The following C9orf50 variants were observed in gnomAD, a reference collection of about 807,000 sequenced individuals.
C9orf50 encodes the protein chromosome 9 open reading frame 50.
Under a neutral mutation model 42.5 loss-of-function variants are expected in C9orf50, and 33 were observed. The observed-to-expected ratio is 0.78, with a 90% confidence interval of 0.59 to 1.04. The LOEUF is 1.04. C9orf50 is among the 50% of genes least tolerant of loss of function. C9orf50 has a pLI of 0.00. For synonymous variants in C9orf50, 257 were observed against 273.4 expected, an observed-to-expected ratio of 0.94 and a Z score of 0.59; for missense variants, 547 against 594.3, an observed-to-expected ratio of 0.92 and a Z score of 0.83.
chr9:129,613,169 C>T lies in C9orf50; in HGVS notation c.1126G>A (p.Ala376Thr), dbSNP rs780251437. The T allele has an allele frequency of 3.8e-5, 62 of 1,613,578 alleles. No individual in the cohort carries two copies. Among genetic ancestry groups the T allele is most frequent in the South Asian group, 6.6e-5 (6 of 91,080 alleles). ...AGGCTGCTTCGCGGCCTCTGAGCAG[C>T]GGCCTTCTTCCATGAACAGAAGGGC... The change falls in exon 6 of 7, where the codon GCT becomes ACT. Residue 376 changes from alanine to threonine, a missense_variant. Transcript: ENST00000372478. The surrounding 1 kb of genome is among the most constrained non-coding windows in gnomAD (Gnocchi z 6.2).
chr9:129,615,490 G>T (rs117566704), exon 4 of C9orf50: 4 of 1,595,020 alleles, frequency 2.5e-6, no homozygotes, highest in Non-Finnish European at 3.4e-6. Flanking sequence ...TTACCTGAGC[G>T]TCTGCGCTCC....
In C9orf50 at chr9:129,620,120, C is replaced by A; in HGVS notation, c.455G>T (p.Arg152Leu). ...CTCCTGGAGCTGGTGCAGGAACTCACGGAACCTGCTGGGGAGGAGCTCTCC... is the reference window on the plus strand; with the variant it reads ...CTCCTGGAGCTGGTGCAGGAACTCAAGGAACCTGCTGGGGAGGAGCTCTCC... The change falls in exon 1 of 7, where the codon CGT becomes CTT. Residue 152 changes from arginine (R) to leucine (L), a missense_variant. By Grantham distance (102) the Arg-to-Leu change is moderately radical. This residue lies in a region of C9orf50 where 108 missense variants were observed against 172.1 expected (regional missense o/e 0.63). Transcript: ENST00000372478. This position sits in a 1 kb window ranked among gnomAD's most constrained non-coding sequence, Gnocchi z 5.8. 4 of 1,453,412 alleles carry A rather than the reference C, an allele frequency of 2.8e-6. No homozygotes were observed. The highest frequency in any genetic ancestry group is 3.6e-6 in the Non-Finnish European group (4 of 1,100,886). The allele number at this position is 1,453,412 out of a possible 1,614,324, so 90.0% of individuals were successfully genotyped here.
In C9orf50 at chr9:129,613,128, G is replaced by A. The variant is rs764746182; in HGVS notation, c.1167C>T (p.Asp389=). 25 of 1,613,796 alleles carry A rather than the reference G, an allele frequency of 1.5e-5. No individual in the cohort carries two copies. The change falls in exon 6 of 7, where the codon GAC becomes GAT. Residue 389 remains aspartate, a synonymous_variant. Coordinates refer to ENST00000372478, the Ensembl canonical transcript of C9orf50. The surrounding 1 kb of genome is among the most constrained non-coding windows in gnomAD (Gnocchi z 6.2). ...CCACCTGCTCCAGGTTTCTGTGCGG[G>A]TCCAAGAAGGCTCGGAGGCTGCTTC...
chr9:129,620,146 T>A lies in C9orf50; in HGVS notation c.429A>T (p.Leu143=), dbSNP rs1225967454. 2.7e-6 allele frequency: 4 copies of A among 1,462,570 alleles called. No individual in the cohort carries two copies. The East Asian group carries it at 1.0e-4, about 37-fold the overall frequency. 90.6% of individuals were successfully genotyped at this position (1,462,570 alleles called of 1,614,324 possible). A position where few individuals can be genotyped will look rare whatever the true frequency, so the allele number is the denominator to read the frequency against. ...GGAACCTGCTGGGGAGGAGCTCTCC[T>A]AGGAAGGCGCCCAAGAAGTCGGGGT... is the stretch of plus-strand genomic sequence containing the variant. The change falls in exon 1 of 7, where the codon CTA becomes CTT. Residue 143 remains leucine (L), a synonymous_variant. Coordinates refer to ENST00000372478, the Ensembl canonical transcript of C9orf50. The surrounding 1 kb of genome is among the most constrained non-coding windows in gnomAD (Gnocchi z 5.8).
At chr9:129,612,422 C>T (rs771274762) in exon 7 of C9orf50, 15 of 1,612,516 alleles carry the variant, frequency 9.3e-6, no homozygotes, top group East Asian at 2.2e-5. Context: ...GCTTCAGGAC[C>T]GACTGCAGCA....
At chr9:129,619,036 A>T (rs964741227) in intron 3 of C9orf50, among the ~76,000 whole-genome samples, 1 of 152,014 alleles carries the variant, frequency 6.6e-6, no homozygotes, top group Non-Finnish European at 1.5e-5. Context: ...TTTTAGATGG[A>T]TGACTGGCTA....
chr9:129,620,604 C>T lies in C9orf50; in HGVS notation c.-30G>A, dbSNP rs762464384. 1 of 1,311,290 alleles carries T rather than the reference C, an allele frequency of 7.6e-7. No individual in the cohort carries two copies. Among genetic ancestry groups the T allele is most frequent in the South Asian group, 2.5e-5 (1 of 40,132 alleles). The allele number at this position is 1,311,290 out of a possible 1,614,324, so 81.2% of individuals were successfully genotyped here. ...GGCCCCGCACTCAGCTCACCGCACC[C>T]TCAGCGCGCGTGGGTGGGGGGCGCC... On this transcript the variant is annotated 5_prime_UTR_variant, in exon 1 of 7. Transcript: ENST00000372478. This position sits in a 1 kb window ranked among gnomAD's most constrained non-coding sequence, Gnocchi z 5.8.
rs1442815299 is a variant in C9orf50, at chr9:129,614,950, A to C, written c.880+534T>G. 6.6e-6 allele frequency among the ~76,000 whole-genome samples: 1 copy of C among 152,018 alleles called. No homozygotes were observed. Among genetic ancestry groups the C allele is most frequent in the African/African-American group, 2.4e-5 (1 of 41,418 alleles). ...ACTCACTGGGAACTGCAAAACAGAC[A>C]CCATTACATCCAGGGTCTGGTGGCT... On this transcript the variant is annotated intron_variant, in intron 4 of 6. Coordinates refer to ENST00000372478, the Ensembl canonical transcript of C9orf50. This position sits in a 1 kb window ranked among gnomAD's most constrained non-coding sequence, Gnocchi z 4.4.
Position 129,620,290 on chromosome 9 carries a change from C to T in C9orf50, c.285G>A (p.Gly95=). The change falls in exon 1 of 7, where the codon GGG becomes GGA. Residue 95 remains glycine, a synonymous_variant. Transcript: ENST00000372478. The surrounding 1 kb of genome is among the most constrained non-coding windows in gnomAD (Gnocchi z 5.8). ...GAGGCGGCAGCAGGGACCGCAGCAGCCCCCGCTTCCGCACGGCCCGCCGGG... is the reference window on the plus strand; with the variant it reads ...GAGGCGGCAGCAGGGACCGCAGCAGTCCCCGCTTCCGCACGGCCCGCCGGG... 7.9e-7 allele frequency: 1 copy of T among 1,262,388 alleles called. No individual in the cohort carries two copies. Among genetic ancestry groups the T allele is most frequent in the Non-Finnish European group, 1.0e-6 (1 of 1,001,008 alleles). 78.2% of individuals were successfully genotyped at this position (1,262,388 alleles called of 1,614,324 possible). A position where few individuals can be genotyped will look rare whatever the true frequency, so the allele number is the denominator to read the frequency against.
rs1299263718 is a variant in C9orf50, at chr9:129,613,396, C to T, written c.1043+39G>A. ...AGGCAAGGGGGGTGGAGGGCCCTGG[C>T]AATGTCCACGAGTCCCATCCGCTTC... On this transcript the variant is annotated intron_variant, in intron 5 of 6. Transcript: ENST00000372478. The surrounding 1 kb of genome is among the most constrained non-coding windows in gnomAD (Gnocchi z 6.2). The T allele has an allele frequency of 1.9e-6, 3 of 1,604,280 alleles. No homozygotes were observed. The highest frequency in any genetic ancestry group is 2.7e-5 in the African/African-American group (2 of 74,694).
rs1211598543 is a variant in C9orf50, at chr9:129,614,621, T to A, written c.880+863A>T. Among the ~76,000 whole-genome samples the A allele has an allele frequency of 6.6e-6, 1 of 152,098 alleles. No homozygotes were observed. The highest frequency in any genetic ancestry group is 2.4e-5 in the African/African-American group (1 of 41,422). On this transcript the variant is annotated intron_variant, in intron 4 of 6. Transcript: ENST00000372478. This position sits in a 1 kb window ranked among gnomAD's most constrained non-coding sequence, Gnocchi z 4.4. Reference sequence around the variant, plus strand: ...CACACTTCAGAAAATTCACTGGGAATGGCCAGGCGCGGTGGCTCATGCCTG... The same window carrying A: ...CACACTTCAGAAAATTCACTGGGAAAGGCCAGGCGCGGTGGCTCATGCCTG...
At position 129,619,640 on chromosome 9, in the gene C9orf50, A is replaced by G; in HGVS notation, c.600-4T>C. ...CTGGAGGTGCGATGACTGGCCCCTTAAAGACAAACAGGCCACATCTGGCAT... is the reference window on the plus strand; with the variant it reads ...CTGGAGGTGCGATGACTGGCCCCTTGAAGACAAACAGGCCACATCTGGCAT... On this transcript the variant is annotated splice_polypyrimidine_tract_variant and splice_region_variant and intron_variant, in intron 2 of 6. Coordinates refer to ENST00000372478, the Ensembl canonical transcript of C9orf50. 1 of 1,613,866 alleles carries G rather than the reference A, an allele frequency of 6.2e-7. No individual in the cohort carries two copies. The highest frequency in any genetic ancestry group is 8.5e-7 in the Non-Finnish European group (1 of 1,179,848).
Position 129,613,692 on chromosome 9 carries a change from G to C in C9orf50, c.881-95C>G. On this transcript the variant is annotated intron_variant, in intron 4 of 6. Transcript: ENST00000372478. The surrounding 1 kb of genome is among the most constrained non-coding windows in gnomAD (Gnocchi z 6.2). The stretch of plus-strand genomic sequence containing the variant: ...TCCCTCTGGCAGGCAGGGCCGGTCA[G>C]AGCCCTGTCTCCATGGCAACCCCAG... 1 of 1,504,116 alleles carries C rather than the reference G, an allele frequency of 6.6e-7. No homozygotes were observed. The highest frequency in any genetic ancestry group is 9.0e-7 in the Non-Finnish European group (1 of 1,105,300). 93.2% of individuals were successfully genotyped at this position (1,504,116 alleles called of 1,614,324 possible).
At chr9:129,621,790 G>A (rs554040847), upstream of C9orf50, among the ~76,000 whole-genome samples, 1 of 152,076 alleles carries the variant, frequency 6.6e-6, no homozygotes, top group Non-Finnish European at 1.5e-5. Flanking sequence ...CCAGATTGTT[G>A]TCAGCTCTGA....
At chr9:129,615,610 C>T (rs1350654652) in exon 4 of C9orf50, 1 of 1,598,136 alleles carries the variant, frequency 6.3e-7, no homozygotes, top group Non-Finnish European at 8.5e-7. Context: ...TGGGTCAGCG[C>T]AGCCTTGAGC....
In C9orf50 at chr9:129,614,012, C is replaced by T. The variant is rs1830225324; in HGVS notation, c.881-415G>A. On this transcript the variant is annotated intron_variant, in intron 4 of 6. Coordinates refer to ENST00000372478, the Ensembl canonical transcript of C9orf50. The surrounding 1 kb of genome is among the most constrained non-coding windows in gnomAD (Gnocchi z 4.4). The stretch of plus-strand genomic sequence containing the variant: ...GACCCTGAGTTCCCCAATGGCTGCC[C>T]CAGGATGGAAAGGGCTGGGAAGCAG... Among the ~76,000 whole-genome samples the T allele has an allele frequency of 6.6e-6, 1 of 152,176 alleles. No homozygotes were observed. The highest frequency in any genetic ancestry group is 2.4e-5 in the African/African-American group (1 of 41,440).
chr9:129,613,001 G>T lies in C9orf50; in HGVS notation c.1188+106C>A. On this transcript the variant is annotated intron_variant, in intron 6 of 6. Transcript: ENST00000372478. This position sits in a 1 kb window ranked among gnomAD's most constrained non-coding sequence, Gnocchi z 6.2. ...CACGGTGACTTGGCTCTCAGGGAGG[G>T]TCCACTCCCAGCCCCAGCCACTCCA... 1 of 1,444,186 alleles carries T rather than the reference G, an allele frequency of 6.9e-7. No individual in the cohort carries two copies. Among genetic ancestry groups the T allele is most frequent in the Non-Finnish European group, 9.4e-7 (1 of 1,061,428 alleles). The allele number at this position is 1,444,186 out of a possible 1,614,324, so 89.5% of individuals were successfully genotyped here.
In C9orf50 at chr9:129,620,483, C is replaced by T; in HGVS notation, c.92G>A (p.Arg31Gln). The change falls in exon 1 of 7, where the codon CGG becomes CAG. Residue 31 changes from arginine (R) to glutamine (Q), a missense_variant. Physicochemically the swap from Arg to Gln is conservative, Grantham distance 43. Coordinates refer to ENST00000372478, the Ensembl canonical transcript of C9orf50. This position sits in a 1 kb window ranked among gnomAD's most constrained non-coding sequence, Gnocchi z 5.8. ...CGCGGGCGGGGTCAGCTTGGGCAGC[C>T]GCGGGTCGCTGCTGCGTCGGAAGTC... The T allele has an allele frequency of 2.2e-6, 3 of 1,389,804 alleles. No homozygotes were observed. Among genetic ancestry groups the T allele is most frequent in the Non-Finnish European group, 2.8e-6 (3 of 1,067,248 alleles). The allele number at this position is 1,389,804 out of a possible 1,614,324, so 86.1% of individuals were successfully genotyped here.
chr9:129,619,580 G>A, exon 3 of C9orf50: 1 of 1,614,146 alleles, frequency 6.2e-7, no homozygotes, highest in South Asian at 1.1e-5. Context: ...CCCCAGAATA[G>A]GTGTCTGCTG....
Sources: gnomAD v4.1 joint callset for allele counts (sites outside exome capture counted in the v4.1 genomes callset) on GRCh38, gnomAD v4.1.1 for gene constraint, gnomAD v4.1.1 regional missense constraint, Gnocchi (gnomAD v3.1) non-coding constraint, MANE v1.5 for transcripts, NCBI Gene and HGNC (gene_info 2026-07-23, HGNC 2026-07-21) for gene names.